Variants in COTL1 observed in about 807,000 individuals in gnomAD.
COTL1 encodes the protein coactosin-like protein.
COTL1 carries 15 observed loss-of-function variants against 16.5 expected under a neutral mutation model. That is an observed-to-expected ratio of 0.91 (90% CI 0.61 to 1.40). The LOEUF is 1.40. Ranked by LOEUF, COTL1 falls within the 40% of genes most tolerant of loss-of-function variation. COTL1 has a pLI of 0.00. For missense variants in COTL1, 220 were observed against 201.5 expected, an observed-to-expected ratio of 1.09 and a Z score of -0.56; for synonymous variants, 112 against 85.3, an observed-to-expected ratio of 1.31 and a Z score of -1.73.
intron 3 of COTL1, among the ~76,000 whole-genome samples, chr16:84,571,396 C>T (rs1904333952): frequency 6.6e-6 from 1 of 152,190 alleles, no homozygotes; most frequent in South Asian, 2.1e-4. Flanking sequence ...TCATCTCTTG[C>T]CCCTCAATTC....
At chr16:84,589,757 ACAGT>A (rs758138412) in intron 3 of COTL1, among the ~76,000 whole-genome samples, 24 of 152,120 alleles carry the variant, frequency 1.6e-4, no homozygotes, top group Non-Finnish European at 2.9e-4. Context: ...ACCACCGCCG[ACAGT>A]CAGCCAGGAC....
rs374589776 is a variant in COTL1 at position 84,605,017 on chromosome 16, TC to T, written c.160+12483del. 5.2e-4 allele frequency among the ~76,000 whole-genome samples: 79 copies of T among 152,290 alleles called. 1 individual carries two copies. The East Asian group carries it at 0.012, about 24-fold the overall frequency. Reference sequence around the variant, plus strand: ...GTCTCTCCAGGGCAGGAGGGAACACTCGGGTTCAGGAATTAAGGAGCATTGC... The same window carrying T: ...GTCTCTCCAGGGCAGGAGGGAACACTGGGTTCAGGAATTAAGGAGCATTGC... On this transcript the variant is annotated intron_variant, in intron 2 of 3. Coordinates refer to ENST00000262428, the MANE Select transcript of COTL1 (RefSeq NM_021149.5).
chr16:84,608,483 A>G (rs1260897187), intron 2 of COTL1, among the ~76,000 whole-genome samples: 1 of 152,064 alleles, frequency 6.6e-6, no homozygotes, highest in African/African-American at 2.4e-5. Flanking sequence ...GTGGACACAC[A>G]AAAAAGCTAT....
intron 3 of COTL1, chr16:84,567,624 G>C (rs1904304482): frequency 1.3e-5 from 2 of 152,338 alleles, no homozygotes; most frequent in African/African-American, 4.8e-5. Context: ...CACGAGGGTA[G>C]AGGCTCTGCC....
chr16:84,575,751 C>G (rs1904439929), intron 3 of COTL1: 1 of 152,262 alleles, frequency 6.6e-6, no homozygotes. Flanking sequence ...CACCCTTGTC[C>G]ACAGGCATCT....
intron 3 of COTL1, among the ~76,000 whole-genome samples, chr16:84,574,069 G>A (rs757085643): frequency 9.8e-5 from 15 of 152,290 alleles, no homozygotes; most frequent in African/African-American, 3.4e-4. Context: ...TTGGGAGGCT[G>A]AGGCAGGAAG....
chr16:84,611,120 C>A (rs1477248414), intron 2 of COTL1, among the ~76,000 whole-genome samples: 1 of 152,192 alleles, frequency 6.6e-6, no homozygotes, highest in African/African-American at 2.4e-5. Context: ...AACACAGACC[C>A]TGGGAGATCT....
At chr16:84,599,026 C>A (rs1013559331) in intron 2 of COTL1, among the ~76,000 whole-genome samples, 1 of 152,054 alleles carries the variant, frequency 6.6e-6, no homozygotes, top group African/African-American at 2.4e-5. Context: ...TCTAATAACT[C>A]CCCAAAAGTT....
chr16:84,601,090 C>T (rs776399355), intron 2 of COTL1, among the ~76,000 whole-genome samples: 34 of 152,132 alleles, frequency 2.2e-4, no homozygotes, highest in Non-Finnish European at 3.5e-4. Context: ...GGAGACGCTG[C>T]GCCACTGAGG....
At position 84,590,708 on chromosome 16, in the gene COTL1, A is replaced by T. The variant is rs187588184; in HGVS notation, c.161-446T>A. On this transcript the variant is annotated intron_variant, in intron 2 of 3. Coordinates refer to ENST00000262428, the MANE Select transcript of COTL1 (RefSeq NM_021149.5). This position sits in a 1 kb window ranked among gnomAD's most constrained non-coding sequence, Gnocchi z 5.5. Reference sequence around the variant, plus strand: ...AAAAAAAATTTAAAAATAAAAATTTAAAAAGGCTCAAATTATGGATCTTAT... The same window carrying T: ...AAAAAAAATTTAAAAATAAAAATTTTAAAAGGCTCAAATTATGGATCTTAT... Among the ~76,000 whole-genome samples the T allele has an allele frequency of 3.3e-5, 5 of 152,364 alleles. No individual in the cohort carries two copies. In the East Asian group the frequency reaches 9.6e-4, roughly 29 times the overall value.
At chr16:84,614,244 G>A (rs1479162600) in intron 2 of COTL1, among the ~76,000 whole-genome samples, 4 of 152,252 alleles carry the variant, frequency 2.6e-5, no homozygotes, top group African/African-American at 9.6e-5. Context: ...AAGCAAGAGC[G>A]GAGGTAGCGG....
intron 3 of COTL1, among the ~76,000 whole-genome samples, chr16:84,581,456 A>T (rs994480202): frequency 1.3e-5 from 2 of 152,132 alleles, no homozygotes; most frequent in African/African-American, 4.8e-5. Context: ...GGAGGGTTGT[A>T]GGTTCTCCCG....
intron 2 of COTL1, among the ~76,000 whole-genome samples, chr16:84,615,625 G>A (rs779180814): frequency 3.3e-5 from 5 of 152,186 alleles, no homozygotes; most frequent in Non-Finnish European, 7.3e-5. Flanking sequence ...AAATACTGCT[G>A]ACTCTCCTGG....
intron 3 of COTL1, among the ~76,000 whole-genome samples, chr16:84,578,412 G>A (rs1016876040): frequency 2.0e-5 from 3 of 152,040 alleles, no homozygotes; most frequent in Non-Finnish European, 4.4e-5. Flanking sequence ...CTTCATATAC[G>A]CCAGGCAATT....
intron 3 of COTL1, among the ~76,000 whole-genome samples, chr16:84,570,496 C>G (rs1054291276): frequency 2.0e-5 from 3 of 151,426 alleles, no homozygotes; most frequent in Non-Finnish European, 4.4e-5. Context: ...AAAAAAAACC[C>G]TCAAACCTTG....
At chr16:84,576,308 G>C (rs887902972) in intron 3 of COTL1, 13 of 152,278 alleles carry the variant, frequency 8.5e-5, no homozygotes, top group Admixed American at 7.2e-4. Flanking sequence ...AAGCTCCGGG[G>C]AGAAAACATG....
intron 2 of COTL1, among the ~76,000 whole-genome samples, chr16:84,606,874 C>T (rs947010234): frequency 1.3e-5 from 2 of 152,238 alleles, no homozygotes; most frequent in African/African-American, 4.8e-5. Flanking sequence ...CAGGCGCCTA[C>T]AGCCCATAAG....
chr16:84,584,578 C>T (rs532376933), intron 3 of COTL1, among the ~76,000 whole-genome samples: 38 of 152,296 alleles, frequency 2.5e-4, no homozygotes, highest in African/African-American at 7.0e-4. Flanking sequence ...GTGTGGCTGA[C>T]GGCTGGCAAT....
intron 3 of COTL1, among the ~76,000 whole-genome samples, chr16:84,570,341 C>T (rs1904319883): frequency 6.6e-6 from 1 of 152,090 alleles, no homozygotes; most frequent in African/African-American, 2.4e-5. Context: ...GAGCTAGGCA[C>T]AGGTCAACCT....
Sources: gnomAD v4.1 joint callset for allele counts (sites outside exome capture counted in the v4.1 genomes callset) on GRCh38, gnomAD v4.1.1 for gene constraint, Gnocchi (gnomAD v3.1) non-coding constraint, MANE v1.5 for transcripts, NCBI Gene and HGNC (gene_info 2026-07-23, HGNC 2026-07-21) for gene names.